PRDM16: variants seen among roughly 807,000 people sequenced by gnomAD.
The protein encoded by PRDM16 is PR/SET domain 16, also known as histone-lysine N-methyltransferase PRDM16.
A neutral mutation model predicts 110.6 loss-of-function variants in PRDM16; 23 were observed. The observed-to-expected ratio is 0.21, with a 90% CI of 0.15 to 0.29. The LOEUF is 0.29. PRDM16 is among the 10% of genes least tolerant of loss of function. The pLI is 1.00. For missense variants in PRDM16, 1,615 were observed against 1,794.3 expected (o/e 0.90, Z 1.81); for synonymous variants, 799 against 781.8 (o/e 1.02, Z -0.37).
At position 3,425,760 on chromosome 1, in the gene PRDM16, G is replaced by A. The variant is rs7549401; in HGVS notation, c.3109+10G>A. The A allele has an allele frequency of 1.5e-3, 2,454 of 1,612,954 alleles. 29 individuals are homozygous for A. In the African/African-American group the frequency reaches 0.029, roughly 19 times the overall value. On this transcript the variant is annotated intron_variant, in intron 13 of 16. Transcript: ENST00000270722. The surrounding 1 kb of genome is among the most constrained non-coding windows in gnomAD (Gnocchi z 6.9). ...CACGAGAACGCACCAGGTGGGCCAC[G>A]CGGGGTGGGGCAGCCCCCAGAGCAC...
Position 3,246,213 on chromosome 1 carries a change from C to T in PRDM16, c.438+2076C>T, listed in dbSNP as rs1201283515. ...TTATATGTGTGGCCATTAGGTCTCG[C>T]TCAGTGTGGCCCAAGGTCATTCTTG... On this transcript the variant is annotated intron_variant, in intron 3 of 16. Coordinates refer to ENST00000270722, the MANE Select transcript of PRDM16 (RefSeq NM_022114.4). This position sits in a 1 kb window ranked among gnomAD's most constrained non-coding sequence, Gnocchi z 5.2. 6.6e-6 allele frequency among the ~76,000 whole-genome samples: 1 copy of T among 152,166 alleles called. No homozygotes were observed.
In PRDM16 at chr1:3,411,034, T is replaced by TG. The variant is rs200126616; in HGVS notation, c.1187-347dup. 3.9e-3 allele frequency among the ~76,000 whole-genome samples: 584 copies of TG among 150,472 alleles called. 2 individuals carry two copies. Among genetic ancestry groups the TG allele is most frequent in the East Asian group, 0.018 (94 of 5,152 alleles). ...TGTGCTGGTCACTGGAGGCCAGTCT[T>TG]GGGTGGGGCGCATGCACACACACAT... On this transcript the variant is annotated intron_variant, in intron 8 of 16. Transcript: ENST00000270722.
At chr1:3,393,664 G>C (rs958336756) in intron 4 of PRDM16, among the ~76,000 whole-genome samples, 1 of 152,216 alleles carries the variant, frequency 6.6e-6, no homozygotes, top group East Asian at 1.9e-4. Flanking sequence ...AGGAACAGTG[G>C]CGTTCTCGGC....
intron 4 of PRDM16, among the ~76,000 whole-genome samples, chr1:3,391,480 AAG>A (rs1319495345): frequency 6.6e-6 from 1 of 152,220 alleles, no homozygotes; most frequent in African/African-American, 2.4e-5. Flanking sequence ...GAAGCTATTT[AAG>A]AATGATCAAG....
At chr1:3,367,270 G>A (rs1042013786) in intron 3 of PRDM16, among the ~76,000 whole-genome samples, 1 of 150,918 alleles carries the variant, frequency 6.6e-6, no homozygotes, top group Non-Finnish European at 1.5e-5. Flanking sequence ...GCAAAGCTCT[G>A]TCTCAAAAAA....
chr1:3,378,931 C>T (rs1643043232), intron 3 of PRDM16, among the ~76,000 whole-genome samples: 1 of 152,116 alleles, frequency 6.6e-6, no homozygotes, highest in South Asian at 2.1e-4. Flanking sequence ...ATGGGTCCAG[C>T]AGGACCCCAG....
At chr1:3,079,253 A>G (rs1421522616) in intron 1 of PRDM16, among the ~76,000 whole-genome samples, 1 of 152,186 alleles carries the variant, frequency 6.6e-6, no homozygotes, top group African/African-American at 2.4e-5. Context: ...ATCTCTCCGC[A>G]GTGGTGGCCT....
At chr1:3,146,682 TGC>T (rs1643665824) in intron 1 of PRDM16, among the ~76,000 whole-genome samples, 1 of 138,820 alleles carries the variant, frequency 7.2e-6, no homozygotes, top group African/African-American at 2.8e-5. Flanking sequence ...GGGGTGTGTG[TGC>T]ACGTGTGTTT....
chr1:3,391,435 C>G (rs1264017179), intron 4 of PRDM16, among the ~76,000 whole-genome samples: 1 of 152,166 alleles, frequency 6.6e-6, no homozygotes, highest in Non-Finnish European at 1.5e-5. Context: ...TTTGTATATT[C>G]CTTTCCTGCT....
intron 1 of PRDM16, among the ~76,000 whole-genome samples, chr1:3,173,954 A>G (rs1040962489): frequency 1.3e-5 from 2 of 151,992 alleles, no homozygotes; most frequent in East Asian, 1.9e-4. Flanking sequence ...GGCCCGTGCT[A>G]TGGCCCGTGC....
rs77356071 is a variant in PRDM16 at position 3,385,131 on chromosome 1, G to C, written c.439-21G>C. ...AGCACACAGGGCACCTCTGACTCCC[G>C]CTTCGCTTTCCTCCCAGCAGATCTC... On this transcript the variant is annotated intron_variant, in intron 3 of 16. Coordinates refer to ENST00000270722, the MANE Select transcript of PRDM16 (RefSeq NM_022114.4). 2,391 of 1,612,974 alleles carry C rather than the reference G, an allele frequency of 1.5e-3. 38 individuals carry two copies. The African/African-American group carries it at 0.028, about 19-fold the overall frequency.
intron 1 of PRDM16, among the ~76,000 whole-genome samples, chr1:3,119,945 G>C (rs1643055993): frequency 6.6e-6 from 1 of 151,990 alleles, no homozygotes; most frequent in Non-Finnish European, 1.5e-5. Context: ...CCTGGAGGCT[G>C]TTTCTTGGAG....
intron 2 of PRDM16, among the ~76,000 whole-genome samples, chr1:3,240,380 C>G (rs189238276): frequency 0.014 from 2,031 of 147,934 alleles, 13 homozygotes; most frequent in African/African-American, 0.017. Context: ...CACCACTGCA[C>G]TCCAGCCTGG....
Position 3,069,297 on chromosome 1 carries a change from G to T in PRDM16, c.37+1G>T. ...GCGAGGGCGAGGAAGCTAGCCAAAA[G>T]TAAGTCTCCCGCGCTCGGCCGCGCC... On this transcript the variant is annotated splice_donor_variant, in intron 1 of 16. Transcript: ENST00000270722. LOFTEE classifies it high-confidence loss of function. The surrounding 1 kb of genome is among the most constrained non-coding windows in gnomAD (Gnocchi z 6.1). 1 of 1,519,918 alleles carries T rather than the reference G, an allele frequency of 6.6e-7. No homozygotes were observed. Among genetic ancestry groups the T allele is most frequent in the East Asian group, 2.7e-5 (1 of 36,634 alleles). 94.2% of individuals were successfully genotyped at this position (1,519,918 alleles called of 1,614,324 possible). A position where few individuals can be genotyped will look rare whatever the true frequency, so the allele number is the denominator to read the frequency against.
At chr1:3,185,057 C>A (rs1340989576) in intron 1 of PRDM16, among the ~76,000 whole-genome samples, 1 of 152,190 alleles carries the variant, frequency 6.6e-6, no homozygotes, top group Non-Finnish European at 1.5e-5. Context: ...CTGTTTCTGC[C>A]TTCTGGCGAT....
intron 3 of PRDM16, among the ~76,000 whole-genome samples, chr1:3,296,090 C>A (rs772774770): frequency 6.6e-6 from 1 of 152,208 alleles, no homozygotes; most frequent in African/African-American, 2.4e-5. Flanking sequence ...CAAGCCTCAG[C>A]CTGGGCGGTC....
chr1:3,234,329 C>T (rs973502881), intron 2 of PRDM16, among the ~76,000 whole-genome samples: 1 of 152,114 alleles, frequency 6.6e-6, no homozygotes, highest in Non-Finnish European at 1.5e-5. Context: ...GTCCTCTTGT[C>T]CCCGGGGCCC....
chr1:3,175,945 CCCCATCCATCCATCCACTCACTCA>C lies in PRDM16; in HGVS notation c.38-10166_38-10143del, dbSNP rs1221334515. Among the ~76,000 whole-genome samples, 1 of 151,804 alleles carries C rather than the reference CCCCATCCATCCATCCACTCACTCA, an allele frequency of 6.6e-6. No homozygotes were observed. On this transcript the variant is annotated intron_variant, in intron 1 of 16. Coordinates refer to ENST00000270722, the MANE Select transcript of PRDM16 (RefSeq NM_022114.4). This position sits in a 1 kb window ranked among gnomAD's most constrained non-coding sequence, Gnocchi z 4.8. ...GAAACTGCCCTGGAGGTTGCCCTTA[CCCCATCCATCCATCCACTCACTCA>C]CCCATCCATCCATGCAGCCAGCCAG...
At chr1:3,261,218 G>A (rs1640158842) in intron 3 of PRDM16, among the ~76,000 whole-genome samples, 1 of 151,776 alleles carries the variant, frequency 6.6e-6, no homozygotes, top group African/African-American at 2.4e-5. Flanking sequence ...ACACAGAGAA[G>A]CGGGCCTTGG....
Sources: gnomAD v4.1 joint callset for allele counts (sites outside exome capture counted in the v4.1 genomes callset) on GRCh38, gnomAD v4.1.1 for gene constraint, Gnocchi (gnomAD v3.1) non-coding constraint, MANE v1.5 for transcripts, NCBI Gene and HGNC (gene_info 2026-07-23, HGNC 2026-07-21) for gene names.